The following SLC44A3 variants were observed in gnomAD, a reference collection of about 807,000 sequenced individuals.
The protein encoded by SLC44A3 is solute carrier family 44 member 3.
A neutral mutation model predicts 75.4 loss-of-function variants in SLC44A3; 74 were observed. That is an observed-to-expected ratio of 0.98 (90% CI 0.81 to 1.19). The LOEUF is 1.19. SLC44A3 is among the 50% of genes most tolerant of loss of function. The pLI is 0.00. For missense variants in SLC44A3, 700 were observed against 778.6 expected (o/e 0.90, Z 1.20); for synonymous variants, 310 against 296.9 (o/e 1.04, Z -0.45).
chr1:94,870,705 G>A (rs1030766153), intron 12 of SLC44A3, among the ~76,000 whole-genome samples: 3 of 152,118 alleles, frequency 2.0e-5, no homozygotes, highest in Admixed American at 1.3e-4. Flanking sequence ...TGTTTGAGAC[G>A]GAGTTTTGCT....
chr1:94,830,438 C>T (rs1156562130), intron 5 of SLC44A3, among the ~76,000 whole-genome samples: 1 of 152,106 alleles, frequency 6.6e-6, no homozygotes, highest in African/African-American at 2.4e-5. Flanking sequence ...GTCTTGATCT[C>T]GTGACCTCGT....
intron 12 of SLC44A3, 111 bp downstream of exon 12, chr1:94,867,528 A>G: frequency 1.4e-6 from 1 of 733,644 alleles, no homozygotes; most frequent in Non-Finnish European, 2.1e-6. Flanking sequence ...TTGTGTAAAC[A>G]TTTTAGGCTT....
intron 10 of SLC44A3, among the ~76,000 whole-genome samples, chr1:94,860,763 C>T (rs1666473901): frequency 6.6e-6 from 1 of 152,168 alleles, no homozygotes; most frequent in African/African-American, 2.4e-5. Context: ...CCAAGATTTC[C>T]CTGCCCTCAT....
At chr1:94,872,578 A>G (rs966020875) in intron 12 of SLC44A3, among the ~76,000 whole-genome samples, 1 of 152,240 alleles carries the variant, frequency 6.6e-6, no homozygotes. Context: ...GGTAAAAATG[A>G]CTTCAGTCAG....
intron 12 of SLC44A3, among the ~76,000 whole-genome samples, chr1:94,874,923 T>G (rs1467335924): frequency 1.4e-4 from 21 of 152,102 alleles, no homozygotes; most frequent in Admixed American, 1.4e-3. Flanking sequence ...GATGTAAGAG[T>G]CAAACAGATG....
rs1405911731 is a variant in SLC44A3, at chr1:94,885,530, A to G, written c.1483-5600A>G. Among the ~76,000 whole-genome samples, 4 of 152,230 alleles carry G rather than the reference A, an allele frequency of 2.6e-5. No individual in the cohort carries two copies. In the East Asian group the frequency reaches 7.7e-4, roughly 29 times the overall value. Reference sequence around the variant, plus strand: ...CCTGCCACATCCTCAGCTGTTTTCAATGGTGCATCTCATGAGAACACCACT... The same window carrying G: ...CCTGCCACATCCTCAGCTGTTTTCAGTGGTGCATCTCATGAGAACACCACT... On this transcript the variant is annotated intron_variant, in intron 12 of 14. Transcript: ENST00000271227.
chr1:94,877,082 C>G (rs771307250), intron 12 of SLC44A3, among the ~76,000 whole-genome samples: 2 of 151,420 alleles, frequency 1.3e-5, no homozygotes, highest in Non-Finnish European at 2.9e-5. Flanking sequence ...AAACCAGGAC[C>G]CTGGAAGTGG....
chr1:94,857,975 G>A (rs1666113525), intron 10 of SLC44A3, among the ~76,000 whole-genome samples: 2 of 151,880 alleles, frequency 1.3e-5, no homozygotes, highest in South Asian at 4.2e-4. Flanking sequence ...CATCACACTC[G>A]GCTGATTTTT....
chr1:94,888,364 C>T (rs529383249), intron 12 of SLC44A3, among the ~76,000 whole-genome samples: 89 of 152,328 alleles, frequency 5.8e-4, no homozygotes, highest in African/African-American at 2.0e-3. Flanking sequence ...TCTTGGTTTC[C>T]AGTCTATAAA....
Position 94,892,643 on chromosome 1 carries a change from T to C in SLC44A3, c.1857+126T>C, listed in dbSNP as rs1670347802. The C allele has an allele frequency of 4.4e-6, 4 of 912,092 alleles. No homozygotes were observed. In the South Asian group the frequency reaches 4.8e-5, roughly 11 times the overall value. The allele number at this position is 912,092 out of a possible 1,614,324, so 56.5% of individuals were successfully genotyped here. A position where few individuals can be genotyped will look rare whatever the true frequency, so the allele number is the denominator to read the frequency against. On this transcript the variant is annotated intron_variant, in intron 14 of 14. Coordinates refer to ENST00000271227, the MANE Select transcript of SLC44A3 (RefSeq NM_001114106.3). ...TTCTAGAGGGCTCTGAGGCTTCTAC[T>C]ACCCCCGGGCCTGAAAGTGGGATTT...
intron 3 of SLC44A3, among the ~76,000 whole-genome samples, chr1:94,827,034 G>A (rs1661452115): frequency 1.3e-5 from 2 of 152,206 alleles, no homozygotes; most frequent in Non-Finnish European, 2.9e-5. Flanking sequence ...CTGGGAGAAG[G>A]GGGAAAAGAC....
At chr1:94,839,104 T>C (rs1663208484) in intron 6 of SLC44A3, 1 of 152,230 alleles carries the variant, frequency 6.6e-6, no homozygotes, top group African/African-American at 2.4e-5. Flanking sequence ...AAAACCCACC[T>C]TACTAAACAT....
At chr1:94,874,335 C>A (rs1668059339) in intron 12 of SLC44A3, among the ~76,000 whole-genome samples, 1 of 152,154 alleles carries the variant, frequency 6.6e-6, no homozygotes, top group Admixed American at 6.5e-5. Context: ...AGCCTAGCTC[C>A]CACCTGCTGT....
intron 9 of SLC44A3, among the ~76,000 whole-genome samples, chr1:94,854,724 C>G (rs1402786332): frequency 6.9e-6 from 1 of 144,282 alleles, no homozygotes; most frequent in East Asian, 2.0e-4. Context: ...TCAAGCCCCC[C>G]GCGCCCCCCG....
chr1:94,830,627 A>T (rs1384687687), intron 5 of SLC44A3, among the ~76,000 whole-genome samples: 1 of 151,814 alleles, frequency 6.6e-6, no homozygotes, highest in Non-Finnish European at 1.5e-5. Context: ...AACCCAATTT[A>T]AAAAAAAACT....
Position 94,848,154 on chromosome 1 carries a change from G to A in SLC44A3, c.1072+2690G>A, listed in dbSNP as rs184740505. Among the ~76,000 whole-genome samples, 798 of 152,064 alleles carry A rather than the reference G, an allele frequency of 5.2e-3. 8 individuals carry two copies. The highest frequency in any genetic ancestry group is 0.019 in the African/African-American group (773 of 41,470). ...TGAGGCAGGAGAATAGCATGAACCC[G>A]GGAGGCGGAGGGTGCAGTGAGCTGA... On this transcript the variant is annotated intron_variant, in intron 9 of 14. Transcript: ENST00000271227.
chr1:94,861,096 G>A (rs528578567), intron 10 of SLC44A3, among the ~76,000 whole-genome samples: 39 of 152,296 alleles, frequency 2.6e-4, no homozygotes, highest in African/African-American at 9.1e-4. Flanking sequence ...GAAAAAAAAA[G>A]TTGTACAGGA....
intron 9 of SLC44A3, among the ~76,000 whole-genome samples, chr1:94,850,284 C>T (rs1665042226): frequency 6.6e-6 from 1 of 151,938 alleles, no homozygotes; most frequent in South Asian, 2.1e-4. Flanking sequence ...CTGGTACCAG[C>T]AATAAGACAG....
Position 94,895,014 on chromosome 1 carries a change from AT to A in SLC44A3, c.*101del, listed in dbSNP as rs535191467. On this transcript the variant is annotated 3_prime_UTR_variant, in exon 15 of 15. Transcript: ENST00000271227. Reference sequence around the variant, plus strand: ...GAGACCACTAGAGAAAAGTTAGTGAATTTTTTTTTAAAAGACCTAATAAACC... The same window carrying A: ...GAGACCACTAGAGAAAAGTTAGTGAATTTTTTTTAAAAGACCTAATAAACC... 304 of 977,834 alleles carry A rather than the reference AT, an allele frequency of 3.1e-4. No individual in the cohort carries two copies. Among genetic ancestry groups the A allele is most frequent in the African/African-American group, 5.2e-4 (31 of 60,144 alleles). The allele number at this position is 977,834 out of a possible 1,614,324, so 60.6% of individuals were successfully genotyped here.
Sources: allele counts gnomAD v4.1 joint callset (sites outside exome capture counted in the v4.1 genomes callset), GRCh38; gene constraint gnomAD v4.1.1; transcripts MANE v1.5; gene names NCBI Gene and HGNC (gene_info 2026-07-23, HGNC 2026-07-21).